MADD: variants seen among roughly 807,000 people sequenced by gnomAD.
MADD encodes the protein MAP kinase-activating death domain protein.
In MADD, 109 loss-of-function variants were observed where a neutral mutation model predicts 176.7. The ratio of observed to expected loss-of-function variants is 0.62; its 90% CI spans 0.53 to 0.72. The LOEUF is 0.72. MADD is among the 30% of genes least tolerant of loss of function. The probability of loss-of-function intolerance (pLI) is 0.00; values close to 1 mark genes in which losing one functional copy is unlikely to be tolerated. For synonymous variants in MADD, 771 were observed against 771.3 expected, an observed-to-expected ratio of 1.00 and a Z score of 0.01; for missense variants, 1,914 against 2,045.5, an observed-to-expected ratio of 0.94 and a Z score of 1.24.
chr11:47,286,995 G>T (rs375801549), intron 15 of MADD, among the ~76,000 whole-genome samples: 12 of 152,148 alleles, frequency 7.9e-5, no homozygotes, highest in African/African-American at 2.9e-4. Flanking sequence ...TAATGAGTGC[G>T]CCAGGTAGTA....
intron 20 of MADD, 76 bp downstream of exon 22, chr11:47,294,059 C>G: frequency 8.1e-7 from 1 of 1,228,950 alleles, no homozygotes; most frequent in East Asian, 2.4e-5. Context: ...TAAAATAGAA[C>G]AGTCAGACAG....
intron 7 of MADD, among the ~76,000 whole-genome samples, chr11:47,279,944 G>A (rs1212554258): frequency 6.6e-6 from 1 of 152,008 alleles, no homozygotes; most frequent in African/African-American, 2.4e-5. Flanking sequence ...GGTGGTGGAC[G>A]CCCGTAGTCC....
intron 27 of MADD, among the ~76,000 whole-genome samples, chr11:47,318,647 C>T (rs1468761074): frequency 2.0e-5 from 3 of 152,192 alleles, no homozygotes; most frequent in East Asian, 1.9e-4. Flanking sequence ...AAATAGATGC[C>T]TCTTCCTCGA....
chr11:47,317,774 CT>C (rs11305920), intron 27 of MADD, among the ~76,000 whole-genome samples: 24,917 of 145,620 alleles, frequency 0.17, 2,961 homozygotes, highest in East Asian at 0.59. Context: ...TTGTATATAA[CT>C]TTTTTTTTTT....
chr11:47,300,457 GC>G lies in MADD; in HGVS notation c.3642+4405del, dbSNP rs1458281080. Among the ~76,000 whole-genome samples, 9 of 79,188 alleles carry G rather than the reference GC, an allele frequency of 1.1e-4. No homozygotes were observed. In the South Asian group the frequency reaches 1.2e-3, roughly 11 times the overall value. 52.0% of individuals were successfully genotyped at this position (79,188 alleles called of 152,430 possible). A position where few individuals can be genotyped will look rare whatever the true frequency, so the allele number is the denominator to read the frequency against. On this transcript the variant is annotated intron_variant, in intron 22 of 32. Coordinates refer to ENST00000402192, the Ensembl canonical transcript of MADD. ...CCTGACCTCAAGTGATCTACCCCCC[GC>G]CCGCCCCAAAGTGCTGGGATTACAG...
At chr11:47,283,802 C>T (rs1770226629) in intron 10 of MADD, among the ~76,000 whole-genome samples, 1 of 151,552 alleles carries the variant, frequency 6.6e-6, no homozygotes, top group Admixed American at 6.6e-5. Context: ...CAAACTCATG[C>T]CTTCAAGCAA....
At chr11:47,324,652 T>A in intron 30 of MADD, 75 bp downstream of exon 33, 1 of 985,058 alleles carries the variant, frequency 1.0e-6, no homozygotes, top group South Asian at 1.3e-5. Flanking sequence ...CCCCCAGTAC[T>A]TCCCCAGCAA....
rs759441436 is a variant in MADD, at chr11:47,282,882, A to G, written c.1775A>G (p.Tyr592Cys). ...GCTCATCAGCTGCAGCCTATCCACT[A>G]TCGCGTCTATGACAGCAATTCCCAG... The change falls in exon 10 of 33, where the codon TAT becomes TGT. Residue 592 changes from tyrosine (Y) to cysteine (C), a missense_variant. This residue lies in a region of MADD where 1,767 missense variants were observed against 1,836.0 expected (regional missense o/e 0.96). Coordinates refer to ENST00000402192, the Ensembl canonical transcript of MADD. 6 of 1,614,080 alleles carry G rather than the reference A, an allele frequency of 3.7e-6. No homozygotes were observed. The South Asian group carries it at 4.4e-5, about 12-fold the overall frequency.
intron 18 of MADD, 115 bp from the exon 20 acceptor site, chr11:47,290,495 T>C: frequency 7.8e-7 from 1 of 1,285,214 alleles, no homozygotes; most frequent in African/African-American, 1.5e-5. Flanking sequence ...TCAGCTCATC[T>C]TTCCTTGAAC....
Position 47,305,234 on chromosome 11 carries a change from A to G in MADD, c.3643-3357A>G, listed in dbSNP as rs143261325. Among the ~76,000 whole-genome samples, 30 of 152,234 alleles carry G rather than the reference A, an allele frequency of 2.0e-4. No homozygotes were observed. In the East Asian group the frequency reaches 3.7e-3, roughly 19 times the overall value. On this transcript the variant is annotated intron_variant, in intron 22 of 32. Transcript: ENST00000402192. ...GCTGCAGAGGCACTGGGTTCCAGGTACAGATGCGTGGAGTAGCTGTGGAGT... is the reference window on the plus strand; with the variant it reads ...GCTGCAGAGGCACTGGGTTCCAGGTGCAGATGCGTGGAGTAGCTGTGGAGT...
At chr11:47,289,524 C>T (rs2063435858) in intron 16 of MADD, 31 bp downstream of exon 17, 2 of 1,590,176 alleles carry the variant, frequency 1.3e-6, no homozygotes, top group African/African-American at 2.7e-5. Context: ...TTTAAAAGTT[C>T]TCAGGCAGAG....
At position 47,292,480 on chromosome 11, in the gene MADD, C is replaced by A. The variant is rs897580694; in HGVS notation, c.3302-1403C>A. 6 of 1,496,702 alleles carry A rather than the reference C, an allele frequency of 4.0e-6. No homozygotes were observed. The East Asian group carries it at 1.4e-4, about 34-fold the overall frequency. 92.7% of individuals were successfully genotyped at this position (1,496,702 alleles called of 1,614,324 possible). The stretch of plus-strand genomic sequence containing the variant: ...GACTTGGGTGGGTGGGTTTCCATTT[C>A]GTCTGTCTGACCAGCCTCTGACTTT... On this transcript the variant is annotated intron_variant, in intron 19 of 32. Coordinates refer to ENST00000402192, the Ensembl canonical transcript of MADD.
intron 15 of MADD, among the ~76,000 whole-genome samples, chr11:47,286,818 A>G (rs1021544884): frequency 1.3e-5 from 2 of 152,120 alleles, no homozygotes; most frequent in Admixed American, 1.3e-4. Context: ...TAACATAGGG[A>G]TCATCAGCTG....
At chr11:47,286,290 C>T (rs2060583830) in intron 14 of MADD, 143 bp from the exon 15 acceptor site, 1 of 681,410 alleles carries the variant, frequency 1.5e-6, no homozygotes, top group Non-Finnish European at 2.6e-6. Context: ...TTGATCCTTT[C>T]TAAGACAGAT....
intron 18 of MADD, 112 bp downstream of exon 19, chr11:47,290,411 A>G (rs747467163): frequency 8.4e-6 from 12 of 1,421,686 alleles, no homozygotes; most frequent in Admixed American, 5.0e-5. Flanking sequence ...GCTGCTTCCC[A>G]TTAGGCTTTG....
intron 30 of MADD, among the ~76,000 whole-genome samples, chr11:47,326,330 C>T (rs1453402583): frequency 6.6e-6 from 1 of 152,194 alleles, no homozygotes; most frequent in African/African-American, 2.4e-5. Context: ...GGGAGCTTTG[C>T]GCCCGTGCCA....
At chr11:47,318,930 C>T (rs533261784) in intron 27 of MADD, among the ~76,000 whole-genome samples, 2 of 148,772 alleles carry the variant, frequency 1.3e-5, no homozygotes, top group South Asian at 4.3e-4. Flanking sequence ...GCCTCAGCCT[C>T]CTGAGTAGCT....
In MADD at chr11:47,270,266, T is replaced by A. The variant is rs180879014; in HGVS notation, c.-89+20T>A. 6.6e-6 allele frequency: 1 copy of A among 151,248 alleles called. No homozygotes were observed. The highest frequency in any genetic ancestry group is 2.4e-5 in the African/African-American group (1 of 41,098). The allele number at this position is 151,248 out of a possible 1,614,324, so 9.4% of individuals were successfully genotyped here. On this transcript the variant is annotated intron_variant, in intron 1 of 32. Coordinates refer to ENST00000402192, the Ensembl canonical transcript of MADD. ...TGGGAGGTAGGAGAGTCTGGGCCGG[T>A]GGGGTCCTGGGCGAGCGTCTGGGGA...
intron 8 of MADD, among the ~76,000 whole-genome samples, 170 bp downstream of exon 8, chr11:47,281,923 C>T (rs1226939069): frequency 7.3e-6 from 1 of 137,780 alleles, no homozygotes; most frequent in South Asian, 2.3e-4. Context: ...CAACTTCCAC[C>T]TCCCGGGTTC....
Sources: gnomAD v4.1 joint callset for allele counts (sites outside exome capture counted in the v4.1 genomes callset) on GRCh38, gnomAD v4.1.1 for gene constraint, gnomAD v4.1.1 regional missense constraint, MANE v1.5 for transcripts, NCBI Gene and HGNC (gene_info 2026-07-23, HGNC 2026-07-21) for gene names.